Variants in AP3S1 observed in about 807,000 individuals in gnomAD.
The protein encoded by AP3S1 is adaptor related protein complex 3 subunit sigma 1.
A neutral mutation model predicts 21.3 loss-of-function variants in AP3S1; 12 were observed. The observed-to-expected ratio is 0.56, with a 90% CI of 0.36 to 0.91. The LOEUF is 0.91. AP3S1 is among the 40% of genes least tolerant of loss of function. The pLI is 0.01. For synonymous variants in AP3S1, 48 were observed against 78.4 expected (o/e 0.61, Z 2.05); for missense variants, 116 against 225.0 (o/e 0.52, Z 3.10).
chr5:115,857,169 T>C (rs1023032196), intron 1 of AP3S1, among the ~76,000 whole-genome samples: 3 of 152,200 alleles, frequency 2.0e-5, no homozygotes, highest in Admixed American at 2.0e-4. Flanking sequence ...TACAGAAAGA[T>C]AACATTCCTT....
intron 1 of AP3S1, 26 bp from the exon 2 acceptor site, chr5:115,866,644 A>G: frequency 1.3e-6 from 2 of 1,492,210 alleles, no homozygotes; most frequent in African/African-American, 2.8e-5. Context: ...ACTCCATCCT[A>G]ATATATATGA....
At position 115,865,632 on chromosome 5, in the gene AP3S1, C is replaced by A. The variant is rs75483120; in HGVS notation, c.70-1038C>A. Among the ~76,000 whole-genome samples the A allele has an allele frequency of 6.9e-3, 1,056 of 152,244 alleles. 13 individuals are homozygous for A. Among genetic ancestry groups the A allele is most frequent in the African/African-American group, 0.025 (1,028 of 41,528 alleles). ...TTACTATCATATTTTTATACTTTTG[C>A]TGATATGGTACATGTGGAGCTATCT... On this transcript the variant is annotated intron_variant, in intron 1 of 5. Transcript: ENST00000316788.
intron 3 of AP3S1, among the ~76,000 whole-genome samples, chr5:115,872,497 G>A (rs1435679422): frequency 6.6e-6 from 1 of 152,010 alleles, no homozygotes; most frequent in Non-Finnish European, 1.5e-5. Flanking sequence ...CGGCAGTGAG[G>A]AAATGAACGT....
chr5:115,893,581 G>A (rs1750502415), intron 3 of AP3S1, among the ~76,000 whole-genome samples: 1 of 152,182 alleles, frequency 6.6e-6, no homozygotes, highest in African/African-American at 2.4e-5. Context: ...AGGATGAACT[G>A]TAGTTACATG....
chr5:115,876,032 T>C (rs939687393), intron 3 of AP3S1, among the ~76,000 whole-genome samples: 2 of 152,178 alleles, frequency 1.3e-5, no homozygotes, highest in African/African-American at 4.8e-5. Flanking sequence ...GCAGTTCTTT[T>C]AGGAGGCATC....
chr5:115,885,257 C>A (rs1749679128), intron 3 of AP3S1, among the ~76,000 whole-genome samples: 1 of 152,092 alleles, frequency 6.6e-6, no homozygotes, highest in African/African-American at 2.4e-5. Flanking sequence ...CTCACACAAT[C>A]ACAAGGCAAA....
intron 3 of AP3S1, among the ~76,000 whole-genome samples, chr5:115,873,645 C>T (rs1408484951): frequency 2.0e-5 from 3 of 152,104 alleles, no homozygotes; most frequent in Non-Finnish European, 4.4e-5. Flanking sequence ...CTTTAAAAAA[C>T]ATCAGTTGAA....
chr5:115,901,392 CTT>C (rs35793318), intron 4 of AP3S1, among the ~76,000 whole-genome samples: 5,285 of 111,578 alleles, frequency 0.047, 337 homozygotes, highest in African/African-American at 0.16. Flanking sequence ...TGCCTATATT[CTT>C]TTTTTTTTTT....
intron 1 of AP3S1, among the ~76,000 whole-genome samples, chr5:115,863,467 G>T (rs546053703): frequency 6.6e-4 from 101 of 152,158 alleles, no homozygotes; most frequent in African/African-American, 2.3e-3. Context: ...CAGCTACTCG[G>T]GAGGCTGAGG....
At chr5:115,892,420 C>T (rs1209802285) in intron 3 of AP3S1, among the ~76,000 whole-genome samples, 1 of 152,164 alleles carries the variant, frequency 6.6e-6, no homozygotes, top group Non-Finnish European at 1.5e-5. Context: ...TGTTCATCAG[C>T]AGACGAATAA....
chr5:115,849,892 T>C (rs1762315712), intron 1 of AP3S1, among the ~76,000 whole-genome samples: 1 of 151,492 alleles, frequency 6.6e-6, no homozygotes, highest in South Asian at 2.1e-4. Flanking sequence ...GCCCCTGTCT[T>C]CTAAAAAAAA....
intron 1 of AP3S1, among the ~76,000 whole-genome samples, chr5:115,846,001 G>T (rs1344609575): frequency 6.6e-6 from 1 of 151,844 alleles, no homozygotes; most frequent in Admixed American, 6.6e-5. Flanking sequence ...TCAGCGACTT[G>T]ACAACAGTAA....
intron 1 of AP3S1, among the ~76,000 whole-genome samples, chr5:115,845,927 T>A (rs570509973): frequency 6.6e-6 from 1 of 150,632 alleles, no homozygotes; most frequent in African/African-American, 2.4e-5. Flanking sequence ...TCTATATCCT[T>A]GGTCTATGAC....
At position 115,866,762 on chromosome 5, in the gene AP3S1, G is replaced by T; in HGVS notation, c.161+1G>T. 6.4e-7 allele frequency: 1 copy of T among 1,571,254 alleles called. No individual in the cohort carries two copies. Among genetic ancestry groups the T allele is most frequent in the South Asian group, 1.1e-5 (1 of 88,506 alleles). On this transcript the variant is annotated splice_donor_variant, in intron 2 of 5. Coordinates refer to ENST00000316788, the MANE Select transcript of AP3S1 (RefSeq NM_001284.4). LOFTEE classifies it high-confidence loss of function. ...TTTGTAATTTCCTAGAAGGAGGATTGTAAGTAAAGCATTTCATAGACATTT... is the reference window on the plus strand; with the variant it reads ...TTTGTAATTTCCTAGAAGGAGGATTTTAAGTAAAGCATTTCATAGACATTT...
At chr5:115,886,378 CCT>C (rs1056287667) in intron 3 of AP3S1, among the ~76,000 whole-genome samples, 1 of 151,632 alleles carries the variant, frequency 6.6e-6, no homozygotes, top group Non-Finnish European at 1.5e-5. Flanking sequence ...CTCTGCCACC[CCT>C]GAGACAGCAA....
chr5:115,878,907 C>T (rs1190558865), intron 3 of AP3S1, among the ~76,000 whole-genome samples: 1 of 152,074 alleles, frequency 6.6e-6, no homozygotes, highest in Non-Finnish European at 1.5e-5. Context: ...TGAAGAGGCC[C>T]TTCACATCCC....
rs113273010 is a variant in AP3S1 at position 115,863,743 on chromosome 5, A to G, written c.70-2927A>G. On this transcript the variant is annotated intron_variant, in intron 1 of 5. Transcript: ENST00000316788. Reference sequence around the variant, plus strand: ...GCATATCTATAGAATATGATTTGAGAAAAAATGAAGTCATTATATGATAAC... The same window carrying G: ...GCATATCTATAGAATATGATTTGAGGAAAAATGAAGTCATTATATGATAAC... Among the ~76,000 whole-genome samples, 1,480 of 152,312 alleles carry G rather than the reference A, an allele frequency of 9.7e-3. 9 individuals carry two copies. The highest frequency in any genetic ancestry group is 0.024 in the Middle Eastern group (7 of 294).
At chr5:115,857,462 A>G (rs965138591) in intron 1 of AP3S1, among the ~76,000 whole-genome samples, 2 of 152,350 alleles carry the variant, frequency 1.3e-5, no homozygotes, top group Middle Eastern at 3.4e-3. Context: ...CAGAGTTAAC[A>G]AAGAGTACAT....
At chr5:115,860,467 T>C (rs555188539) in intron 1 of AP3S1, among the ~76,000 whole-genome samples, 63 of 152,334 alleles carry the variant, frequency 4.1e-4, no homozygotes, top group Admixed American at 1.3e-3. Flanking sequence ...AATAAAATTA[T>C]GAACTTTTGT....
Sources: gnomAD v4.1 joint callset for allele counts (sites outside exome capture counted in the v4.1 genomes callset) on GRCh38, gnomAD v4.1.1 for gene constraint, MANE v1.5 for transcripts, NCBI Gene and HGNC (gene_info 2026-07-23, HGNC 2026-07-21) for gene names.